ITM2C: variants seen among roughly 807,000 people sequenced by gnomAD.
ITM2C encodes the protein integral membrane protein 2C.
Under a neutral mutation model 30.0 loss-of-function variants are expected in ITM2C, and 20 were observed. The observed-to-expected ratio is 0.67, with a 90% CI of 0.47 to 0.97. The LOEUF is 0.97. ITM2C is among the 50% of genes least tolerant of loss of function. ITM2C has a pLI of 0.00. For missense variants in ITM2C, 366 were observed against 371.9 expected (o/e 0.98, Z 0.13); for synonymous variants, 167 against 156.4 (o/e 1.07, Z -0.51).
At position 230,873,547 on chromosome 2, in the gene ITM2C, T is replaced by G; in HGVS notation, c.251T>G (p.Phe84Cys). 1 of 1,607,346 alleles carries G rather than the reference T, an allele frequency of 6.2e-7. No homozygotes were observed. The highest frequency in any genetic ancestry group is 8.5e-7 in the Non-Finnish European group (1 of 1,177,314). ...TCTGTCTACATCTACAGATACTTCT[T>G]CCTTGCGCAGGTGAGGGGCCGGGCC... The part of the protein sequence containing the change: ...FASVYIYRYF[F>C]LAQLARDNFF... Residue 84 changes from phenylalanine to cysteine, a missense_variant, in exon 2 of 6, where the codon TTC becomes TGC. Physicochemically the swap from Phe to Cys is radical, Grantham distance 205. Coordinates refer to ENST00000326427, the MANE Select transcript of ITM2C (RefSeq NM_030926.6).
In ITM2C at chr2:230,877,577, G is replaced by C; in HGVS notation, c.712+27G>C. Reference sequence around the variant, plus strand: ...TGAGTGGCTGGCTTCACCCACAGTAGCCCCTGTCCCGTGCCCCAGACCACA... The same window carrying C: ...TGAGTGGCTGGCTTCACCCACAGTACCCCCTGTCCCGTGCCCCAGACCACA... On this transcript the variant is annotated intron_variant, in intron 5 of 5. Transcript: ENST00000326427. This position sits in a 1 kb window ranked among gnomAD's most constrained non-coding sequence, Gnocchi z 4.8. 1 of 1,611,484 alleles carries C rather than the reference G, an allele frequency of 6.2e-7. No homozygotes were observed. Among genetic ancestry groups the C allele is most frequent in the Non-Finnish European group, 8.5e-7 (1 of 1,179,418 alleles).
At chr2:230,870,673 T>C (rs1697142186) in intron 1 of ITM2C, among the ~76,000 whole-genome samples, 1 of 152,128 alleles carries the variant, frequency 6.6e-6, no homozygotes, top group African/African-American at 2.4e-5. Context: ...CTAACCTCCC[T>C]CGGTGGGGCC....
At chr2:230,864,860 G>C, upstream of ITM2C, 1 of 877,028 alleles carries the variant, frequency 1.1e-6, no homozygotes, top group Non-Finnish European at 1.5e-6. This position sits in a 1 kb window ranked among gnomAD's most constrained non-coding sequence, Gnocchi z 4.3. Flanking sequence ...GGCGGGCGCC[G>C]GGGCCCTCCC....
At position 230,873,449 on chromosome 2, in the gene ITM2C, G is replaced by A. The variant is rs202093236; in HGVS notation, c.153G>A (p.Arg51=). The change falls in exon 2 of 6, where the codon AGG becomes AGA. Residue 51 remains arginine, a synonymous_variant. Coordinates refer to ENST00000326427, the MANE Select transcript of ITM2C (RefSeq NM_030926.6). ...AGCCCCCACAACATCGATCCAAGAG[G>A]GGGGGCTCAGTGGGCGGCGTGTGCT... ...EEQPPQHRSK[R]GGSVGGVCYL... 1.1e-3 allele frequency: 1,824 copies of A among 1,606,674 alleles called. 23 individuals are homozygous for A. The highest frequency in any genetic ancestry group is 1.8e-4 in the Non-Finnish European group (206 of 1,176,604).
chr2:230,868,963 G>A (rs764738018), intron 1 of ITM2C, among the ~76,000 whole-genome samples: 11 of 152,342 alleles, frequency 7.2e-5, no homozygotes, highest in African/African-American at 2.2e-4. Flanking sequence ...CTTTCCTGCC[G>A]CTTCTCTCTC....
chr2:230,868,339 C>T (rs994320497), intron 1 of ITM2C, among the ~76,000 whole-genome samples: 7 of 152,044 alleles, frequency 4.6e-5, no homozygotes, highest in African/African-American at 1.7e-4. Flanking sequence ...CGGAAGCACC[C>T]CCTGGGACAG....
chr2:230,877,613 C>T lies in ITM2C; in HGVS notation c.712+63C>T, dbSNP rs1397366021. ...GTGCCCCAGACCACAGTTATCTTCA[C>T]GCCTAGCCCAGCTGTCAGAGAGCTC... On this transcript the variant is annotated intron_variant, in intron 5 of 5. Coordinates refer to ENST00000326427, the MANE Select transcript of ITM2C (RefSeq NM_030926.6). The surrounding 1 kb of genome is among the most constrained non-coding windows in gnomAD (Gnocchi z 4.8). 1.1e-4 allele frequency: 166 copies of T among 1,561,914 alleles called. No individual in the cohort carries two copies. The highest frequency in any genetic ancestry group is 6.6e-4 in the South Asian group (58 of 88,406).
In ITM2C at chr2:230,877,084, G is replaced by A; in HGVS notation, c.561+117G>A. On this transcript the variant is annotated intron_variant, in intron 4 of 5. Transcript: ENST00000326427. The surrounding 1 kb of genome is among the most constrained non-coding windows in gnomAD (Gnocchi z 4.8). ...TGTGTCAGGGGTTGGGGGAGCAAGA[G>A]ACATTGCTGGCACCTGGGCCCTGTA... 1.3e-6 allele frequency: 1 copy of A among 758,256 alleles called. No homozygotes were observed. 47.0% of individuals were successfully genotyped at this position (758,256 alleles called of 1,614,324 possible). A position where few individuals can be genotyped will look rare whatever the true frequency, so the allele number is the denominator to read the frequency against.
In ITM2C at chr2:230,877,148, C is replaced by T. The variant is rs189535743; in HGVS notation, c.561+181C>T. ...CGCCTCTGCTATCCCCCTGCTTCCA[C>T]ATCTCCAGAGTCAATGCCCCGAGAC... is the stretch of plus-strand genomic sequence containing the variant. On this transcript the variant is annotated intron_variant, in intron 4 of 5. Coordinates refer to ENST00000326427, the MANE Select transcript of ITM2C (RefSeq NM_030926.6). The surrounding 1 kb of genome is among the most constrained non-coding windows in gnomAD (Gnocchi z 4.8). 6.6e-6 allele frequency among the ~76,000 whole-genome samples: 1 copy of T among 152,334 alleles called. No individual in the cohort carries two copies. Among genetic ancestry groups the T allele is most frequent in the East Asian group, 1.9e-4 (1 of 5,188 alleles).
At chr2:230,875,965 A>T (rs911898434) in intron 3 of ITM2C, among the ~76,000 whole-genome samples, 157 bp downstream of exon 3, 1 of 152,210 alleles carries the variant, frequency 6.6e-6, no homozygotes, top group Non-Finnish European at 1.5e-5. Context: ...CCTGTTAGCA[A>T]CAATGGTTCT....
chr2:230,869,241 C>CCA (rs1697105227), intron 1 of ITM2C, among the ~76,000 whole-genome samples: 1 of 152,166 alleles, frequency 6.6e-6, no homozygotes, highest in African/African-American at 2.4e-5. Context: ...TTCGCCTGGC[C>CCA]CAGCCAAGCC....
At chr2:230,867,997 TC>T (rs1697070731) in intron 1 of ITM2C, among the ~76,000 whole-genome samples, 1 of 151,110 alleles carries the variant, frequency 6.6e-6, no homozygotes, top group Admixed American at 6.6e-5. Flanking sequence ...GGAGGAGCAC[TC>T]GGTGAACAGA....
intron 1 of ITM2C, among the ~76,000 whole-genome samples, chr2:230,870,077 G>A (rs1205392772): frequency 6.6e-6 from 1 of 152,202 alleles, no homozygotes; most frequent in Admixed American, 6.5e-5. Flanking sequence ...CTAGTGAGCT[G>A]GGCACCAGGG....
intron 1 of ITM2C, among the ~76,000 whole-genome samples, chr2:230,866,405 G>A (rs1233125652): frequency 6.6e-6 from 1 of 152,214 alleles, no homozygotes; most frequent in Non-Finnish European, 1.5e-5. Context: ...GGACCCTGGA[G>A]GAGGGGGCGC....
intron 1 of ITM2C, among the ~76,000 whole-genome samples, chr2:230,870,751 TAAGGCGGA>T (rs549623908): frequency 8.5e-4 from 129 of 152,334 alleles, no homozygotes; most frequent in South Asian, 3.3e-3. Context: ...AGACCAGCAT[TAAGGCGGA>T]AAGGCGGAAA....
At position 230,873,937 on chromosome 2, in the gene ITM2C, G is replaced by C. The variant is rs117466117; in HGVS notation, c.261+380G>C. Among the ~76,000 whole-genome samples, 357 of 152,350 alleles carry C rather than the reference G, an allele frequency of 2.3e-3. 10 individuals are homozygous for C. In the East Asian group the frequency reaches 0.059, roughly 25 times the overall value. ...CTTTAAGGCTGACCTAACTGTGCTT[G>C]TGCATGGACATTTGGGTTACCAAAC... is the stretch of plus-strand genomic sequence containing the variant. On this transcript the variant is annotated intron_variant, in intron 2 of 5. Coordinates refer to ENST00000326427, the MANE Select transcript of ITM2C (RefSeq NM_030926.6).
chr2:230,870,653 T>C (rs1697141655), intron 1 of ITM2C, among the ~76,000 whole-genome samples: 1 of 152,194 alleles, frequency 6.6e-6, no homozygotes, highest in African/African-American at 2.4e-5. Context: ...TTCTCCCTGC[T>C]CTGTCTTCTC....
At chr2:230,868,415 G>A (rs1036257747) in intron 1 of ITM2C, among the ~76,000 whole-genome samples, 3 of 151,776 alleles carry the variant, frequency 2.0e-5, no homozygotes, top group African/African-American at 4.8e-5. Context: ...GGCTGGCCAT[G>A]CCCCTCTTAG....
Position 230,875,760 on chromosome 2 carries a change from C to G in ITM2C, c.402C>G (p.Pro134=), listed in dbSNP as rs1282825128. Residue 134 remains proline (P), a synonymous_variant, in exon 3 of 6, where the codon CCC becomes CCG. Coordinates refer to ENST00000326427, the MANE Select transcript of ITM2C (RefSeq NM_030926.6). ...ACGAGCGCATCAACGTGCCTGTGCC[C>G]CAGTTTGGCGGCGGTGACCCTGCAG... ...ENYERINVPV[P]QFGGGDPADI... The G allele has an allele frequency of 1.2e-6, 2 of 1,612,364 alleles. No individual in the cohort carries two copies.
Sources: allele counts gnomAD v4.1 joint callset (sites outside exome capture counted in the v4.1 genomes callset), GRCh38; gene constraint gnomAD v4.1.1; non-coding constraint Gnocchi (gnomAD v3.1); transcripts MANE v1.5; gene names NCBI Gene and HGNC (gene_info 2026-07-23, HGNC 2026-07-21).